Variants in DOK6 observed in about 807,000 individuals in gnomAD.
The protein encoded by DOK6 is docking protein 6, also known as downstream of tyrosine kinase 6.
DOK6 carries 22 observed loss-of-function variants against 44.0 expected under a neutral mutation model. That is an observed-to-expected ratio of 0.50 (90% confidence interval 0.36 to 0.71). The LOEUF (loss-of-function observed/expected upper bound fraction) is 0.71. Ranked by LOEUF, DOK6 falls within the 30% of genes least tolerant of loss-of-function variation. The pLI, the probability that DOK6 is intolerant of heterozygous loss-of-function variation, is 0.00. For synonymous variants in DOK6, 166 were observed against 145.5 expected (o/e 1.14, Z -1.01); for missense variants, 340 against 416.4 (o/e 0.82, Z 1.60).
chr18:69,700,214 T>TAC (rs1986483817), intron 5 of DOK6, among the ~76,000 whole-genome samples: 1 of 126,970 alleles, frequency 7.9e-6, no homozygotes, highest in Non-Finnish European at 1.7e-5. Context: ...TACATATATA[T>TAC]ACATATATAT....
At chr18:69,437,060 T>C (rs1263937133) in intron 1 of DOK6, among the ~76,000 whole-genome samples, 1 of 152,224 alleles carries the variant, frequency 6.6e-6, no homozygotes, top group Non-Finnish European at 1.5e-5. Context: ...ATATTAGTCC[T>C]TTGTCAGATG....
At chr18:69,654,509 T>A (rs976951326) in intron 3 of DOK6, among the ~76,000 whole-genome samples, 2 of 152,142 alleles carry the variant, frequency 1.3e-5, no homozygotes, top group Non-Finnish European at 2.9e-5. Flanking sequence ...CCCTTCTTTA[T>A]AAAAGAAATA....
intron 1 of DOK6, among the ~76,000 whole-genome samples, chr18:69,554,325 G>A (rs547813704): frequency 1.3e-5 from 2 of 152,270 alleles, no homozygotes; most frequent in South Asian, 4.1e-4. Flanking sequence ...TGATTACGAT[G>A]GAAGCCACTT....
intron 3 of DOK6, among the ~76,000 whole-genome samples, chr18:69,620,689 T>C (rs1462919072): frequency 6.6e-6 from 1 of 152,212 alleles, no homozygotes; most frequent in East Asian, 1.9e-4. Context: ...TAGTTAATAA[T>C]AAATATGATT....
chr18:69,562,748 T>C (rs1056157562), intron 1 of DOK6, among the ~76,000 whole-genome samples: 3 of 152,132 alleles, frequency 2.0e-5, no homozygotes, highest in Non-Finnish European at 1.5e-5. Flanking sequence ...GGGCAAGGAC[T>C]TCATGTCTAA....
chr18:69,700,820 T>C (rs1456835669), intron 5 of DOK6, among the ~76,000 whole-genome samples: 1 of 152,136 alleles, frequency 6.6e-6, no homozygotes, highest in Non-Finnish European at 1.5e-5. Flanking sequence ...TCACTGGTGA[T>C]GAGACTGGGG....
At chr18:69,658,997 T>C (rs527738207) in intron 3 of DOK6, among the ~76,000 whole-genome samples, 1 of 152,360 alleles carries the variant, frequency 6.6e-6, no homozygotes, top group Admixed American at 6.5e-5. Context: ...TTTTTTCTAC[T>C]TCGAATATTT....
intron 1 of DOK6, among the ~76,000 whole-genome samples, chr18:69,509,231 T>G (rs1981279318): frequency 6.6e-6 from 1 of 152,218 alleles, no homozygotes. Context: ...ATTTACAGTC[T>G]TAATTCTTTT....
intron 2 of DOK6, among the ~76,000 whole-genome samples, chr18:69,568,649 G>A (rs1300660813): frequency 6.6e-6 from 1 of 152,174 alleles, no homozygotes; most frequent in African/African-American, 2.4e-5. Context: ...AGGCTGCATA[G>A]CAGGAGGTGA....
intron 5 of DOK6, among the ~76,000 whole-genome samples, chr18:69,717,550 G>A (rs1246295608): frequency 1.3e-5 from 2 of 152,216 alleles, no homozygotes; most frequent in Non-Finnish European, 2.9e-5. Flanking sequence ...AGAGGAGGGA[G>A]CATGCCATGG....
chr18:69,576,527 T>A (rs1983242790), intron 2 of DOK6, among the ~76,000 whole-genome samples: 1 of 152,172 alleles, frequency 6.6e-6, no homozygotes, highest in Non-Finnish European at 1.5e-5. Flanking sequence ...TTACGCCCTA[T>A]CTGGAACATA....
chr18:69,643,855 T>G (rs1985004179), intron 3 of DOK6: 1 of 152,216 alleles, frequency 6.6e-6, no homozygotes, highest in Non-Finnish European at 1.5e-5. Context: ...CATTTGACAT[T>G]CCCACCAGAT....
At chr18:69,459,968 CTT>C (rs1268414440) in intron 1 of DOK6, among the ~76,000 whole-genome samples, 1 of 152,154 alleles carries the variant, frequency 6.6e-6, no homozygotes, top group African/African-American at 2.4e-5. Context: ...TTTAGGAACT[CTT>C]TTATAAAATT....
intron 1 of DOK6, among the ~76,000 whole-genome samples, chr18:69,496,420 G>A (rs1980891778): frequency 6.6e-6 from 1 of 152,240 alleles, no homozygotes; most frequent in African/African-American, 2.4e-5. Flanking sequence ...GCCCCAGCGG[G>A]GCTTCCCGGC....
chr18:69,495,348 A>G (rs938446237), intron 1 of DOK6, among the ~76,000 whole-genome samples: 2 of 152,248 alleles, frequency 1.3e-5, no homozygotes, highest in African/African-American at 2.4e-5. Context: ...CTGCCGTTCC[A>G]CATTTCTCGA....
At chr18:69,604,425 A>C (rs1015639157) in intron 3 of DOK6, among the ~76,000 whole-genome samples, 1 of 152,218 alleles carries the variant, frequency 6.6e-6, no homozygotes, top group African/African-American at 2.4e-5. Flanking sequence ...CCCAGAGAAG[A>C]ATTTCCTGAC....
At chr18:69,525,917 G>T (rs1981818430) in intron 1 of DOK6, among the ~76,000 whole-genome samples, 1 of 151,934 alleles carries the variant, frequency 6.6e-6, no homozygotes, top group South Asian at 2.1e-4. Flanking sequence ...ACCTGTATTT[G>T]TATGGCTCAT....
chr18:69,812,069 A>G (rs1981256808), intron 7 of DOK6, among the ~76,000 whole-genome samples: 1 of 152,194 alleles, frequency 6.6e-6, no homozygotes, highest in African/African-American at 2.4e-5. Flanking sequence ...TTAATAAATT[A>G]TATATACACA....
chr18:69,749,333 T>C (rs1034225204), intron 6 of DOK6, among the ~76,000 whole-genome samples: 4 of 152,120 alleles, frequency 2.6e-5, no homozygotes, highest in Non-Finnish European at 5.9e-5. Context: ...TGAAGGAACA[T>C]AGGCAGTTTC....
Sources: gnomAD v4.1 joint callset for allele counts (sites outside exome capture counted in the v4.1 genomes callset) on GRCh38, gnomAD v4.1.1 for gene constraint, MANE v1.5 for transcripts, NCBI Gene and HGNC (gene_info 2026-07-23, HGNC 2026-07-21) for gene names.